The following SCRIB variants were observed in gnomAD, a reference collection of about 807,000 sequenced individuals.
SCRIB encodes the protein scribble planar cell polarity protein.
Under a neutral mutation model 170.0 loss-of-function variants are expected in SCRIB, and 72 were observed. The ratio of observed to expected loss-of-function variants is 0.42; its 90% CI spans 0.35 to 0.52. SCRIB has a LOEUF of 0.52. SCRIB is among the 20% of genes least tolerant of loss of function. SCRIB has a pLI of 0.02. For missense variants in SCRIB, 2,475 were observed against 2,338.5 expected (o/e 1.06, Z -1.20); for synonymous variants, 1,298 against 1,044.3 (o/e 1.24, Z -4.68).
At chr8:143,813,152 G>A (rs1040191611) in intron 6 of SCRIB, 48 bp from the exon 7 acceptor site, 76 of 1,572,350 alleles carry the variant, frequency 4.8e-5, no homozygotes, top group Non-Finnish European at 5.5e-5. Flanking sequence ...AAAGCCTCCT[G>A]CTGCGCCGTG....
In SCRIB at chr8:143,807,544, G is replaced by A. The variant is rs918269400; in HGVS notation, c.2178+8C>T. The A allele has an allele frequency of 6.2e-7, 1 of 1,612,236 alleles. No individual in the cohort carries two copies. Among genetic ancestry groups the A allele is most frequent in the African/African-American group, 1.3e-5 (1 of 74,868 alleles). On this transcript the variant is annotated splice_region_variant and intron_variant, in intron 16 of 36. Coordinates refer to ENST00000356994, the MANE Select transcript of SCRIB (RefSeq NM_182706.5). The stretch of plus-strand genomic sequence containing the variant: ...GCCCGGCCAGAGTGCAGAGCGAGCA[G>A]TACAGACCTCTTCCTCCTCAATGCG...
chr8:143,810,760 G>A lies in SCRIB; in HGVS notation c.1330C>T (p.Arg444Cys), dbSNP rs1428081993. ...TCCAGGAACTGGATGACGCTGACGC[G>A]GCTCGGCGGGGCATCGCTCCAGGTC... ...SETWSDAPPS[R>C]VSVIQFLEAP... is the part of the protein sequence containing the mutation. Residue 444 changes from arginine (R) to cysteine (C), a missense_variant, in exon 12 of 37, where the codon CGC becomes TGC. Physicochemically the swap from Arg to Cys is radical, Grantham distance 180. This residue lies in a region of SCRIB where 1,966 missense variants were observed against 1,742.9 expected (regional missense o/e 1.13). Transcript: ENST00000356994. 5 of 1,606,396 alleles carry A rather than the reference G, an allele frequency of 3.1e-6. No individual in the cohort carries two copies. Among genetic ancestry groups the A allele is most frequent in the South Asian group, 1.1e-5 (1 of 90,922 alleles).
chr8:143,804,331 G>A (rs947131834), intron 21 of SCRIB, among the ~76,000 whole-genome samples, 175 bp from the exon 22 acceptor site: 21 of 152,246 alleles, frequency 1.4e-4, no homozygotes, highest in Non-Finnish European at 2.4e-4. Context: ...GCAGCGTGAG[G>A]ACAATATCCT....
chr8:143,795,149 C>G (rs200614215), intron 26 of SCRIB, 37 bp from the exon 27 acceptor site: 2 of 1,603,604 alleles, frequency 1.2e-6, no homozygotes, highest in East Asian at 2.2e-5. Context: ...GCAGGGGTAG[C>G]TCCGTGGCAG....
At chr8:143,812,543 G>T (rs1385943114) in intron 8 of SCRIB, among the ~76,000 whole-genome samples, 159 bp from the exon 9 acceptor site, 1 of 151,856 alleles carries the variant, frequency 6.6e-6, no homozygotes, top group Non-Finnish European at 1.5e-5. Context: ...CCACAAGCCT[G>T]ACCCAACCTC....
rs371020163 is a variant in SCRIB at position 143,792,007 on chromosome 8, C to T, written c.4641G>A (p.Ser1547=). 2.2e-4 allele frequency: 333 copies of T among 1,529,262 alleles called. 1 individual carries two copies. Among genetic ancestry groups the T allele is most frequent in the African/African-American group, 8.9e-4 (65 of 72,656 alleles). 94.7% of individuals were successfully genotyped at this position (1,529,262 alleles called of 1,614,324 possible). The change falls in exon 33 of 37, where the codon TCG becomes TCA. Residue 1547 remains serine (S), a synonymous_variant. Transcript: ENST00000356994. ...CCCACAGACCTTCCACAGGGGTGGG[C>T]GACGGGGTGGGCGCAGGGGAAGGGG... ...AEAPSPAPTP[S]PTPVEDLGPQ...
In SCRIB at chr8:143,795,497, C is replaced by G; in HGVS notation, c.3637G>C (p.Ala1213Pro). The change falls in exon 25 of 37, where the codon GCA (alanine) becomes CCA (proline). Residue 1213 changes from alanine to proline, a missense_variant. Physicochemically the swap from Ala to Pro is conservative, Grantham distance 27. Around this residue, in one of 3 missense-constraint regions of SCRIB, gnomAD observed 1,966 missense variants for 1,742.9 expected, o/e 1.13. Transcript: ENST00000356994. ...SPGVIANPFA[A>P]GIGHRNSLES... ...AGGCTGTTCCGGTGGCCGATGCCTG[C>G]CGCAAAGGGGTTGGCAATGACACCT... The G allele has an allele frequency of 6.2e-7, 1 of 1,613,198 alleles. No homozygotes were observed. The highest frequency in any genetic ancestry group is 8.5e-7 in the Non-Finnish European group (1 of 1,179,714).
At chr8:143,811,980 C>T (rs1024320374) in intron 9 of SCRIB, among the ~76,000 whole-genome samples, 2 of 152,182 alleles carry the variant, frequency 1.3e-5, no homozygotes, top group Admixed American at 1.3e-4. Context: ...CAAATAAGTT[C>T]CCATTCCTGC....
chr8:143,814,313 G>A (rs974710011), intron 1 of SCRIB, among the ~76,000 whole-genome samples, 195 bp from the exon 2 acceptor site: 1 of 152,080 alleles, frequency 6.6e-6, no homozygotes, highest in African/African-American at 2.4e-5. Context: ...CGCCCACTGT[G>A]GCTGCCTCCC....
Position 143,805,305 on chromosome 8 carries a change from G to A in SCRIB, c.2477C>T (p.Thr826Met), listed in dbSNP as rs782559117. Residue 826 changes from threonine to methionine, a missense_variant, in exon 19 of 37, where the codon ACG (threonine) becomes ATG (methionine). By Grantham distance (81) the Thr-to-Met change is moderately conservative. Coordinates refer to ENST00000356994, the MANE Select transcript of SCRIB (RefSeq NM_182706.5). ...MVEPENAVTITPLRPEDDYSP... is the reference protein window; with the variant it reads ...MVEPENAVTIMPLRPEDDYSP... ...GTAATCATCCTCGGGCCGCAGCGGC[G>A]TGATGGTGACCGCGTTCTCAGGCTC... 9.0e-6 allele frequency: 14 copies of A among 1,547,672 alleles called. No homozygotes were observed. The highest frequency in any genetic ancestry group is 5.7e-5 in the Admixed American group (3 of 52,890).
chr8:143,802,336 C>G (rs1429891331), intron 24 of SCRIB, among the ~76,000 whole-genome samples: 1 of 152,258 alleles, frequency 6.6e-6, no homozygotes, highest in African/African-American at 2.4e-5. Context: ...GACTGTCAGC[C>G]TGGCAGAAAG....
intron 8 of SCRIB, 41 bp from the exon 9 acceptor site, chr8:143,812,425 C>T (rs1418377500): frequency 6.9e-7 from 1 of 1,449,620 alleles, no homozygotes; most frequent in South Asian, 1.1e-5. Flanking sequence ...GAGCATGGTC[C>T]CCAGACGTGC....
chr8:143,809,167 G>C (rs1425077885), intron 14 of SCRIB, 142 bp from the exon 15 acceptor site: 7 of 1,155,244 alleles, frequency 6.1e-6, no homozygotes, highest in Non-Finnish European at 4.8e-6. Flanking sequence ...CCAGTGAGGG[G>C]CGCGTGTCTC....
rs1554632530 is a variant in SCRIB at position 143,791,257 on chromosome 8, G to A, written c.4874C>T (p.Ser1625Leu). 6.6e-7 allele frequency: 1 copy of A among 1,515,090 alleles called. No homozygotes were observed. The highest frequency in any genetic ancestry group is 2.4e-5 in the East Asian group (1 of 41,972). The allele number at this position is 1,515,090 out of a possible 1,614,324, so 93.9% of individuals were successfully genotyped here. ...EVALVLLGRP[S>L]PGAVGPEDVA... ...ATCTTCAGGGCCCACAGCGCCGGGT[G>A]AGGGCCTGCCCAGAAGCACCAGAGC... The change falls in exon 37 of 37, where the codon TCA becomes TTA. Residue 1625 changes from serine to leucine, a missense_variant. Ser to Leu is a moderately radical substitution (Grantham distance 145). This residue lies in a region of SCRIB where 1,966 missense variants were observed against 1,742.9 expected (regional missense o/e 1.13). Transcript: ENST00000356994.
chr8:143,809,173 GTC>G, intron 14 of SCRIB, 148 bp from the exon 15 acceptor site: 1 of 1,119,582 alleles, frequency 8.9e-7, no homozygotes, highest in Non-Finnish European at 1.2e-6. Flanking sequence ...AGGGGCGCGT[GTC>G]TCAGCCCTGA....
At position 143,792,325 on chromosome 8, in the gene SCRIB, C is replaced by T. The variant is rs782207419; in HGVS notation, c.4409G>A (p.Arg1470Gln). 3.5e-5 allele frequency: 54 copies of T among 1,549,502 alleles called. No homozygotes were observed. Among genetic ancestry groups the T allele is most frequent in the East Asian group, 4.8e-5 (2 of 42,102 alleles). The change falls in exon 32 of 37, where the codon CGG becomes CAG. Residue 1470 changes from arginine (R) to glutamine (Q), a missense_variant. By Grantham distance (43) the Arg-to-Gln change is conservative (BLOSUM62 1). Coordinates refer to ENST00000356994, the MANE Select transcript of SCRIB (RefSeq NM_182706.5). ...TAKAERRHQE[R>Q]LRVQSPEPPA... ...TGGCTCCGGACTCTGCACGCGCAGC[C>T]GCTCCTGGTGGCGCCGTTCAGCTTT... is the stretch of plus-strand genomic sequence containing the variant.
chr8:143,808,913 C>A lies in SCRIB; in HGVS notation c.1811G>T (p.Arg604Leu). The change falls in exon 15 of 37, where the codon CGC (arginine) becomes CTC (leucine). Residue 604 changes from arginine (R) to leucine (L), a missense_variant. Arg to Leu is a moderately radical substitution (Grantham distance 102, BLOSUM62 -2). Transcript: ENST00000356994. ...CTTTTTGTAGTGAGGTGTGTCCTTG[C>A]GGATGAGCCGCTGCCTCCCGCCTGG... ...TLPGGRQRLI[R>L]KDTPHYKKHF... 6.2e-7 allele frequency: 1 copy of A among 1,610,902 alleles called. No homozygotes were observed. Among genetic ancestry groups the A allele is most frequent in the East Asian group, 2.2e-5 (1 of 44,872 alleles).
chr8:143,813,557 G>A (rs1410410643), intron 4 of SCRIB, 31 bp from the exon 5 acceptor site: 7 of 1,613,174 alleles, frequency 4.3e-6, no homozygotes, highest in Middle Eastern at 1.6e-4. Flanking sequence ...TGGGGCAAGA[G>A]GAAGGAAAGC....
At chr8:143,794,140 C>T in intron 27 of SCRIB, 178 bp from the exon 28 acceptor site, 2 of 604,772 alleles carry the variant, frequency 3.3e-6, no homozygotes, top group Non-Finnish European at 5.8e-6. Flanking sequence ...CGTCCCCGTT[C>T]CCACAGGATG....
Sources: allele counts gnomAD v4.1 joint callset (sites outside exome capture counted in the v4.1 genomes callset), GRCh38; gene constraint gnomAD v4.1.1; regional missense constraint gnomAD v4.1.1; transcripts MANE v1.5; gene names NCBI Gene and HGNC (gene_info 2026-07-23, HGNC 2026-07-21).